The following SLC35F4 variants were observed in gnomAD, a reference collection of about 807,000 sequenced individuals.
The protein encoded by SLC35F4 is chromosome 14 open reading frame 36.
A neutral mutation model predicts 44.2 loss-of-function variants in SLC35F4; 24 were observed. That is an observed-to-expected ratio of 0.54 (90% CI 0.39 to 0.76). SLC35F4 has a LOEUF of 0.76. Ranked by LOEUF, SLC35F4 falls within the 30% of genes least tolerant of loss-of-function variation. The pLI is 0.00. For synonymous variants in SLC35F4, 238 were observed against 223.6 expected (o/e 1.06, Z -0.57); for missense variants, 562 against 586.1 (o/e 0.96, Z 0.42).
chr14:57,914,733 A>C (rs1306725386), intron 1 of SLC35F4, among the ~76,000 whole-genome samples: 3 of 152,166 alleles, frequency 2.0e-5, no homozygotes, highest in Non-Finnish European at 4.4e-5. Context: ...CTTTCACTCC[A>C]TGTCCCACAT....
intron 1 of SLC35F4, among the ~76,000 whole-genome samples, chr14:57,733,914 T>C (rs1388732987): frequency 6.6e-6 from 1 of 152,202 alleles, no homozygotes; most frequent in Non-Finnish European, 1.5e-5. Flanking sequence ...TATTTATAAA[T>C]CTAGCTAGTA....
chr14:57,825,810 G>A (rs767070689), intron 1 of SLC35F4, among the ~76,000 whole-genome samples: 1 of 152,020 alleles, frequency 6.6e-6, no homozygotes, highest in South Asian at 2.1e-4. Context: ...CAGATAACAA[G>A]GGAAGTAAAG....
Position 57,877,674 on chromosome 14 carries a change from C to CTTTT in SLC35F4, n.282+104235_282+104238dup, listed in dbSNP as rs139397949. 7.6e-4 allele frequency among the ~76,000 whole-genome samples: 40 copies of CTTTT among 52,422 alleles called. 6 individuals carry two copies. The East Asian group carries it at 8.1e-3, about 11-fold the overall frequency. The allele number at this position is 52,422 out of a possible 152,430, so 34.4% of individuals were successfully genotyped here. ...CTTGCCAGCATCTGTTATTTTTTGACTTTTTTTTTTTTTTTTTTTTTTTTT... is the reference window on the plus strand; with the variant it reads ...CTTGCCAGCATCTGTTATTTTTTGACTTTTTTTTTTTTTTTTTTTTTTTTTTTTT... On this transcript the variant is annotated intron_variant and non_coding_transcript_variant, in intron 1 of 1. Coordinates refer to the SLC35F4 transcript ENST00000556568.
chr14:57,859,681 G>T (rs2141007535), intron 1 of SLC35F4, among the ~76,000 whole-genome samples: 1 of 152,278 alleles, frequency 6.6e-6, no homozygotes, highest in East Asian at 1.9e-4. Flanking sequence ...GCGTATGCTG[G>T]ATTGGAAGGA....
At position 57,691,971 on chromosome 14, in the gene SLC35F4, G is replaced by A. The variant is rs191090147; in HGVS notation, c.104-97847C>T. 5.5e-4 allele frequency among the ~76,000 whole-genome samples: 84 copies of A among 152,312 alleles called. No homozygotes were observed. The South Asian group carries it at 8.5e-3, about 15-fold the overall frequency. ...TCAGATGTGGAACACGATAGTGTGTGTCCAGGAAGCTGGAGAATATAGTCT... is the reference window on the plus strand; with the variant it reads ...TCAGATGTGGAACACGATAGTGTGTATCCAGGAAGCTGGAGAATATAGTCT... On this transcript the variant is annotated intron_variant, in intron 1 of 7. Transcript: ENST00000556826.
chr14:57,775,761 A>G (rs2077473330), intron 1 of SLC35F4, among the ~76,000 whole-genome samples: 1 of 152,220 alleles, frequency 6.6e-6, no homozygotes, highest in African/African-American at 2.4e-5. Flanking sequence ...TCTCCAAATG[A>G]TTGCACTCGT....
At chr14:57,640,496 T>G (rs1051804705) in intron 1 of SLC35F4, among the ~76,000 whole-genome samples, 1 of 152,044 alleles carries the variant, frequency 6.6e-6, no homozygotes, top group Non-Finnish European at 1.5e-5. Flanking sequence ...TGTTTTATTT[T>G]GGTACAAGTC....
chr14:57,699,485 C>T (rs1011116016), intron 1 of SLC35F4, among the ~76,000 whole-genome samples: 2 of 152,166 alleles, frequency 1.3e-5, no homozygotes, highest in African/African-American at 4.8e-5. Flanking sequence ...TTCTTGTCAC[C>T]AGGAAGTGTG....
intron 1 of SLC35F4, among the ~76,000 whole-genome samples, chr14:57,776,164 T>C (rs114407502): frequency 0.01 from 1,586 of 152,282 alleles, 27 homozygotes; most frequent in African/African-American, 0.036. Flanking sequence ...AGACCAAATC[T>C]ATGACTCACT....
At chr14:57,631,639 G>T (rs1283332675) in intron 1 of SLC35F4, among the ~76,000 whole-genome samples, 1 of 152,042 alleles carries the variant, frequency 6.6e-6, no homozygotes, top group African/African-American at 2.4e-5. Context: ...CATTCTAGGT[G>T]ATTTTGTGGT....
intron 1 of SLC35F4, among the ~76,000 whole-genome samples, chr14:57,734,099 G>A (rs1442907292): frequency 1.3e-5 from 2 of 152,162 alleles, no homozygotes; most frequent in Non-Finnish European, 2.9e-5. Flanking sequence ...GGGGAAAGCT[G>A]TCTTATGAAG....
chr14:57,605,035 A>G (rs1036536346), intron 1 of SLC35F4, among the ~76,000 whole-genome samples: 3 of 152,194 alleles, frequency 2.0e-5, no homozygotes, highest in Non-Finnish European at 4.4e-5. Flanking sequence ...ACCCTTCTCA[A>G]TATCAGCCTA....
intron 1 of SLC35F4, chr14:57,596,233 C>A: frequency 6.4e-6 from 1 of 156,014 alleles, no homozygotes; most frequent in Non-Finnish European, 1.4e-5. Context: ...TAAAAATTTA[C>A]AGTTACTCAG....
At chr14:57,790,990 G>A (rs988982762) in intron 1 of SLC35F4, among the ~76,000 whole-genome samples, 6 of 152,042 alleles carry the variant, frequency 3.9e-5, no homozygotes, top group Non-Finnish European at 8.8e-5. Flanking sequence ...AACTCAAGAT[G>A]GATTAAAGAT....
chr14:57,842,296 G>A (rs1328695746), intron 1 of SLC35F4, among the ~76,000 whole-genome samples: 3 of 152,120 alleles, frequency 2.0e-5, no homozygotes, highest in African/African-American at 7.2e-5. Flanking sequence ...TCCCATGGAA[G>A]GGCACTCTGA....
intron 1 of SLC35F4, among the ~76,000 whole-genome samples, chr14:57,831,915 C>T (rs925434449): frequency 6.6e-6 from 1 of 152,178 alleles, no homozygotes; most frequent in East Asian, 1.9e-4. Flanking sequence ...GCTTCCTAAT[C>T]ATAAGTGTAT....
At chr14:57,771,310 C>T (rs2041971319) in intron 1 of SLC35F4, among the ~76,000 whole-genome samples, 1 of 152,192 alleles carries the variant, frequency 6.6e-6, no homozygotes, top group African/African-American at 2.4e-5. Flanking sequence ...ACTCATTTCT[C>T]ATGTGCAGTC....
intron 1 of SLC35F4, among the ~76,000 whole-genome samples, chr14:57,738,730 T>A (rs2076526657): frequency 7.0e-6 from 1 of 142,358 alleles, no homozygotes; most frequent in East Asian, 2.0e-4. Flanking sequence ...AGCCTTTATT[T>A]CATAATATTT....
intron 1 of SLC35F4, among the ~76,000 whole-genome samples, chr14:57,620,093 A>G (rs1453239141): frequency 1.3e-5 from 2 of 152,202 alleles, no homozygotes; most frequent in East Asian, 3.8e-4. Flanking sequence ...TACGGGGAGA[A>G]TGGAACCTAG....
Sources: allele counts gnomAD v4.1 joint callset (sites outside exome capture counted in the v4.1 genomes callset), GRCh38; gene constraint gnomAD v4.1.1; transcripts MANE v1.5; gene names NCBI Gene and HGNC (gene_info 2026-07-23, HGNC 2026-07-21).